Variants in TGM1 observed in about 807,000 individuals in gnomAD.
TGM1 encodes protein-glutamine gamma-glutamyltransferase K.
TGM1 carries 63 observed loss-of-function variants against 88.7 expected under a neutral mutation model. That is an observed-to-expected ratio of 0.71 (90% CI 0.58 to 0.88). The LOEUF is 0.88. Among genes scored for constraint, TGM1 ranks in the 40% least tolerant of loss-of-function variants. The pLI is 0.00. For missense variants in TGM1, 996 were observed against 1,118.0 expected, an observed-to-expected ratio of 0.89 and a Z score of 1.56; for synonymous variants, 415 against 431.1, an observed-to-expected ratio of 0.96 and a Z score of 0.46.
At chr14:24,258,952 C>A in intron 7 of TGM1, 123 bp downstream of exon 7, 1 of 1,153,374 alleles carries the variant, frequency 8.7e-7, no homozygotes, top group Non-Finnish European at 1.3e-6. Flanking sequence ...TTAAGGCCAG[C>A]CTATTACCCA....
At position 24,255,216 on chromosome 14, in the gene TGM1, T is replaced by G; in HGVS notation, c.1683A>C (p.Ala561=). ...ACACATTGGGTTTGCTGCCGTGGGC[T>G]GCTGCTGTCTCTACTGCCTTCCGCT... ...DAERKAVETA[A]AHGSKPNVYA... The change falls in exon 12 of 15, where the codon GCA becomes GCC. Residue 561 remains alanine (A), a synonymous_variant. Coordinates refer to ENST00000206765, the MANE Select transcript of TGM1 (RefSeq NM_000359.3). This position sits in a 1 kb window ranked among gnomAD's most constrained non-coding sequence, Gnocchi z 4.0. 1 of 1,613,914 alleles carries G rather than the reference T, an allele frequency of 6.2e-7. No individual in the cohort carries two copies. Among genetic ancestry groups the G allele is most frequent in the Non-Finnish European group, 8.5e-7 (1 of 1,180,040 alleles).
In TGM1 at chr14:24,261,719, G is replaced by A. The variant is rs199894209; in HGVS notation, c.484C>T (p.Arg162Cys). 2.7e-5 allele frequency: 43 copies of A among 1,613,996 alleles called. No homozygotes were observed. The Admixed American group carries it at 3.2e-4, about 12-fold the overall frequency. Residue 162 changes from arginine (R) to cysteine (C), a missense_variant, in exon 3 of 15, where the codon CGC becomes TGC. By Grantham distance (180) the Arg-to-Cys change is radical (BLOSUM62 -3). Coordinates refer to ENST00000206765, the MANE Select transcript of TGM1 (RefSeq NM_000359.3). Reference protein sequence around the residue: ...LLSRTYESSDRITLELLIGNN... With the variant: ...LLSRTYESSDCITLELLIGNN... ...CCGATGAGTAACTCAAGGGTGATGC[G>A]ATCAGAGGATTCATAGGTCCGGGAC...
intron 14 of TGM1, among the ~76,000 whole-genome samples, chr14:24,249,768 G>A (rs189552868): frequency 6.6e-6 from 1 of 152,164 alleles, no homozygotes; most frequent in Non-Finnish European, 1.5e-5. Context: ...CCCATCGTCT[G>A]GGACTCCTCC....
chr14:24,257,765 G>C (rs1188423400), intron 9 of TGM1, among the ~76,000 whole-genome samples: 3 of 152,144 alleles, frequency 2.0e-5, no homozygotes, highest in Admixed American at 6.5e-5. Context: ...TAATGTATCA[G>C]GTTTGGAGTA....
At chr14:24,261,549 G>A (rs1316482682) in intron 3 of TGM1, 146 bp downstream of exon 3, 22 of 1,030,636 alleles carry the variant, frequency 2.1e-5, no homozygotes, top group Non-Finnish European at 3.1e-5. Context: ...ACAACCCCAG[G>A]GGCACACCCA....
chr14:24,254,367 G>C (rs943189182), intron 13 of TGM1, 79 bp from the exon 14 acceptor site: 24 of 1,606,534 alleles, frequency 1.5e-5, no homozygotes, highest in Non-Finnish European at 2.0e-5. Flanking sequence ...ACCAGAGAGG[G>C]GAAGCTGCTT....
At position 24,262,240 on chromosome 14, in the gene TGM1, C is replaced by T; in HGVS notation, c.113G>A (p.Gly38Glu). ...EPEPDGRSRR[G>E]GGRSFWARCC... The stretch of plus-strand genomic sequence containing the variant: ...GCGAGCCCAGAAGGAACGGCCTCCT[C>T]CTCTGCGAGAGCGTCCGTCTGGCTC... The change falls in exon 2 of 15, where the codon GGA becomes GAA. Residue 38 changes from glycine to glutamate, a missense_variant. Physicochemically the swap from Gly to Glu is moderately conservative, Grantham distance 98. Coordinates refer to ENST00000206765, the MANE Select transcript of TGM1 (RefSeq NM_000359.3). 6.2e-7 allele frequency: 1 copy of T among 1,613,844 alleles called. No homozygotes were observed. Among genetic ancestry groups the T allele is most frequent in the Non-Finnish European group, 8.5e-7 (1 of 1,180,040 alleles).
At position 24,255,275 on chromosome 14, in the gene TGM1, T is replaced by C. The variant is rs749158575; in HGVS notation, c.1646-22A>G. On this transcript the variant is annotated intron_variant, in intron 11 of 14. Coordinates refer to ENST00000206765, the MANE Select transcript of TGM1 (RefSeq NM_000359.3). This position sits in a 1 kb window ranked among gnomAD's most constrained non-coding sequence, Gnocchi z 4.0. ...GAGCCTGGGGGTTGAGGGTCAAGGG[T>C]GAGGTTCCAATTCCCACGTGGGTGG... 2 of 1,614,012 alleles carry C rather than the reference T, an allele frequency of 1.2e-6. No individual in the cohort carries two copies. Among genetic ancestry groups the C allele is most frequent in the East Asian group, 4.5e-5 (2 of 44,878 alleles).
Position 24,255,431 on chromosome 14 carries a change from GAGTGTGCCGA to G in TGM1, c.1568_1577del (p.Ile523ThrfsTer32). The G allele has an allele frequency of 6.2e-7, 1 of 1,614,208 alleles. No individual in the cohort carries two copies. Among genetic ancestry groups the G allele is most frequent in the South Asian group, 1.1e-5 (1 of 91,084 alleles). On this transcript the variant is annotated frameshift_variant, in exon 11 of 15. Coordinates refer to ENST00000206765, the MANE Select transcript of TGM1 (RefSeq NM_000359.3). LOFTEE classifies it high-confidence loss of function. The surrounding 1 kb of genome is among the most constrained non-coding windows in gnomAD (Gnocchi z 4.0). ...TGGAGCTGATGGCCTTTGTGACAAT[GAGTGTGCCGA>G]TGGCCTTCTCCTCCACATAAACAAT... is the stretch of plus-strand genomic sequence containing the variant.
chr14:24,256,932 A>G (rs1364171582), intron 9 of TGM1, among the ~76,000 whole-genome samples: 1 of 152,172 alleles, frequency 6.6e-6, no homozygotes, highest in African/African-American at 2.4e-5. Flanking sequence ...ATCACCATAT[A>G]TGGTATCTAT....
intron 13 of TGM1, among the ~76,000 whole-genome samples, 168 bp from the exon 14 acceptor site, chr14:24,254,456 T>C (rs1023035530): frequency 6.6e-6 from 1 of 152,190 alleles, no homozygotes; most frequent in Non-Finnish European, 1.5e-5. Flanking sequence ...AACTCCAACC[T>C]ATTCCTCAAT....
intron 4 of TGM1, 41 bp from the exon 5 acceptor site, chr14:24,260,099 T>C (rs767384618): frequency 6.4e-7 from 1 of 1,566,080 alleles, no homozygotes; most frequent in Admixed American, 1.7e-5. Flanking sequence ...CCTCCAGTTC[T>C]CTCCCTGGGC....
intron 9 of TGM1, among the ~76,000 whole-genome samples, chr14:24,257,564 G>A (rs891249631): frequency 1.3e-5 from 2 of 152,178 alleles, no homozygotes; most frequent in South Asian, 2.1e-4. Flanking sequence ...GAAGGAACTC[G>A]TTGAAAGCAA....
At chr14:24,261,612 C>T in intron 3 of TGM1, 83 bp downstream of exon 3, 1 of 1,538,312 alleles carries the variant, frequency 6.5e-7, no homozygotes, top group South Asian at 1.1e-5. Flanking sequence ...CAGGGAGGAG[C>T]CTAAAGACCT....
At chr14:24,258,445 T>C in intron 8 of TGM1, 57 bp from the exon 9 acceptor site, 3 of 1,612,590 alleles carry the variant, frequency 1.9e-6, no homozygotes, top group Non-Finnish European at 2.5e-6. Flanking sequence ...AGTCCTCAGT[T>C]TCCCCAGCCT....
At chr14:24,250,017 C>T (rs1480081049) in intron 14 of TGM1, among the ~76,000 whole-genome samples, 2 of 152,142 alleles carry the variant, frequency 1.3e-5, no homozygotes, top group Admixed American at 6.5e-5. Flanking sequence ...CTGCTATGAT[C>T]GTCGTTCCAA....
intron 14 of TGM1, among the ~76,000 whole-genome samples, chr14:24,253,131 C>T (rs753648072): frequency 1.1e-4 from 16 of 152,212 alleles, no homozygotes; most frequent in Non-Finnish European, 2.1e-4. Context: ...ATGGTATGCA[C>T]CACAGTGGGA....
At position 24,258,478 on chromosome 14, in the gene TGM1, C is replaced by T. The variant is rs2040776514; in HGVS notation, c.1298+57G>A. On this transcript the variant is annotated intron_variant, in intron 8 of 14. Coordinates refer to ENST00000206765, the MANE Select transcript of TGM1 (RefSeq NM_000359.3). The stretch of plus-strand genomic sequence containing the variant: ...CCTCCCCAGCCCTGCCCACCCTCCA[C>T]CTCCAAAGCTCAGGTCACCATTCTT... The T allele has an allele frequency of 6.2e-6, 10 of 1,606,972 alleles. No individual in the cohort carries two copies. In the Admixed American group the frequency reaches 6.7e-5, roughly 11 times the overall value.
At chr14:24,260,397 C>T (rs892845949) in intron 4 of TGM1, 53 bp downstream of exon 4, 8 of 1,612,384 alleles carry the variant, frequency 5.0e-6, no homozygotes, top group Non-Finnish European at 6.8e-6. Context: ...GCAGGAAGCC[C>T]TTCCCTGTCT....
Sources: gnomAD v4.1 joint callset for allele counts (sites outside exome capture counted in the v4.1 genomes callset) on GRCh38, gnomAD v4.1.1 for gene constraint, Gnocchi (gnomAD v3.1) non-coding constraint, MANE v1.5 for transcripts, NCBI Gene and HGNC (gene_info 2026-07-23, HGNC 2026-07-21) for gene names.